The following ZDHHC14 variants were observed in gnomAD, a reference collection of about 807,000 sequenced individuals.
ZDHHC14 encodes zDHHC palmitoyltransferase 14, also known as palmitoyltransferase ZDHHC14.
Under a neutral mutation model 47.7 loss-of-function variants are expected in ZDHHC14, and 16 were observed. The ratio of observed to expected loss-of-function variants is 0.34; its 90% CI spans 0.23 to 0.51. ZDHHC14 has a LOEUF of 0.51. Among genes scored for constraint, ZDHHC14 ranks in the 20% least tolerant of loss-of-function variants. ZDHHC14 has a pLI of 0.97. For missense variants in ZDHHC14, 515 were observed against 662.5 expected (o/e 0.78, Z 2.44); for synonymous variants, 293 against 278.9 (o/e 1.05, Z -0.50).
At chr6:157,621,449 T>A (rs1179362304) in intron 3 of ZDHHC14, among the ~76,000 whole-genome samples, 1 of 152,198 alleles carries the variant, frequency 6.6e-6, no homozygotes, top group Non-Finnish European at 1.5e-5. Context: ...TAAACTTCAA[T>A]TGCACATTTC....
intron 1 of ZDHHC14, among the ~76,000 whole-genome samples, chr6:157,405,557 AT>A (rs1321401488): frequency 1.3e-5 from 2 of 152,136 alleles, no homozygotes; most frequent in Admixed American, 6.5e-5. Context: ...TTTAAAAAAA[AT>A]ATTCTTTCCT....
intron 1 of ZDHHC14, among the ~76,000 whole-genome samples, chr6:157,526,935 A>T (rs1258433899): frequency 2.6e-5 from 4 of 152,098 alleles, no homozygotes; most frequent in African/African-American, 9.7e-5. Flanking sequence ...GGGGCAGTGG[A>T]TGGTGGCCGG....
chr6:157,479,093 A>G (rs1779557248), intron 1 of ZDHHC14, among the ~76,000 whole-genome samples: 1 of 152,192 alleles, frequency 6.6e-6, no homozygotes, highest in Non-Finnish European at 1.5e-5. Flanking sequence ...CCAGCATGGC[A>G]TTGTGATTAG....
intron 2 of ZDHHC14, among the ~76,000 whole-genome samples, chr6:157,565,985 G>A (rs189420527): frequency 1.3e-5 from 2 of 152,228 alleles, no homozygotes; most frequent in Admixed American, 1.3e-4. Context: ...CCAGGAAAAC[G>A]CTCTTTCCTC....
rs1785516479 is a variant in ZDHHC14, at chr6:157,628,271, G to A, written c.566-78G>A. On this transcript the variant is annotated intron_variant, in intron 3 of 8. Coordinates refer to ENST00000359775, the MANE Select transcript of ZDHHC14 (RefSeq NM_024630.3). ...TATACTATCAGAGTATTGGGTGGGA[G>A]GGGCGGGGCTCCTGCAAGTAAAAAG... 5 of 1,455,774 alleles carry A rather than the reference G, an allele frequency of 3.4e-6. No homozygotes were observed. In the African/African-American group the frequency reaches 4.3e-5, roughly 13 times the overall value. 90.2% of individuals were successfully genotyped at this position (1,455,774 alleles called of 1,614,324 possible). A position where few individuals can be genotyped will look rare whatever the true frequency, so the allele number is the denominator to read the frequency against.
chr6:157,454,562 GT>G (rs1778871148), intron 1 of ZDHHC14, among the ~76,000 whole-genome samples: 1 of 146,430 alleles, frequency 6.8e-6, no homozygotes, highest in African/African-American at 2.6e-5. Context: ...CAGTGGTGGT[GT>G]GATCCTAGCT....
At chr6:157,416,240 A>G (rs573622070) in intron 1 of ZDHHC14, among the ~76,000 whole-genome samples, 1 of 152,360 alleles carries the variant, frequency 6.6e-6, no homozygotes, top group African/African-American at 2.4e-5. Context: ...ATCAGTAGCT[A>G]GAAAGATTGT....
In ZDHHC14 at chr6:157,449,378, A is replaced by C. The variant is rs547739183; in HGVS notation, c.245+67112A>C. 2.0e-5 allele frequency among the ~76,000 whole-genome samples: 3 copies of C among 152,370 alleles called. No individual in the cohort carries two copies. The South Asian group carries it at 6.2e-4, about 32-fold the overall frequency. On this transcript the variant is annotated intron_variant, in intron 1 of 8. Transcript: ENST00000359775. ...CTTGCTTTTAAGCCCACTTTTAAAA[A>C]ATCAGATTTATTGAGGCATAATTTA...
At chr6:157,481,488 C>T (rs1322407994) in intron 1 of ZDHHC14, among the ~76,000 whole-genome samples, 2 of 152,160 alleles carry the variant, frequency 1.3e-5, no homozygotes, top group Non-Finnish European at 2.9e-5. Context: ...CCTGCACTCC[C>T]ACCGACCCTC....
Position 157,669,258 on chromosome 6 carries a change from G to A in ZDHHC14, c.1069-3466G>A, listed in dbSNP as rs182610592. The stretch of plus-strand genomic sequence containing the variant: ...CTTTGCAGGCTTAGGTGGCAGAGAG[G>A]TGATCAGGGGAGAGGAAAAGGGCCA... On this transcript the variant is annotated intron_variant, in intron 8 of 8. Coordinates refer to ENST00000359775, the MANE Select transcript of ZDHHC14 (RefSeq NM_024630.3). Among the ~76,000 whole-genome samples, 568 of 152,178 alleles carry A rather than the reference G, an allele frequency of 3.7e-3. 4 individuals carry two copies. The highest frequency in any genetic ancestry group is 0.013 in the African/African-American group (521 of 41,520).
chr6:157,499,910 A>G (rs1162904076), intron 1 of ZDHHC14, among the ~76,000 whole-genome samples: 1 of 119,252 alleles, frequency 8.4e-6, no homozygotes, highest in East Asian at 2.1e-4. Context: ...TCTAGGTGCT[A>G]AATAATTTAG....
intron 1 of ZDHHC14, among the ~76,000 whole-genome samples, chr6:157,476,542 C>T (rs1369207137): frequency 1.3e-5 from 2 of 152,212 alleles, no homozygotes; most frequent in African/African-American, 2.4e-5. Context: ...AGGAATACTT[C>T]CAAACTCATT....
At chr6:157,472,835 G>A (rs1463327872) in intron 1 of ZDHHC14, among the ~76,000 whole-genome samples, 2 of 152,182 alleles carry the variant, frequency 1.3e-5, no homozygotes, top group East Asian at 1.9e-4. Context: ...ATTGAGCGAG[G>A]TGCAGACAAA....
intron 3 of ZDHHC14, among the ~76,000 whole-genome samples, chr6:157,606,069 C>T (rs1427436750): frequency 2.0e-5 from 3 of 152,206 alleles, no homozygotes; most frequent in Non-Finnish European, 2.9e-5. Flanking sequence ...GCATTACTCT[C>T]CTGAAATTAT....
chr6:157,397,301 T>G (rs1228383885), intron 1 of ZDHHC14, among the ~76,000 whole-genome samples: 1 of 152,232 alleles, frequency 6.6e-6, no homozygotes, highest in Admixed American at 6.5e-5. Flanking sequence ...ACGGAGTGAC[T>G]TGAAACAACA....
chr6:157,535,427 CAG>C (rs1781513481), intron 1 of ZDHHC14, among the ~76,000 whole-genome samples: 1 of 152,226 alleles, frequency 6.6e-6, no homozygotes. Flanking sequence ...CAAAGGTAGA[CAG>C]AGAGACGCGT....
intron 1 of ZDHHC14, among the ~76,000 whole-genome samples, chr6:157,507,370 G>A (rs774140110): frequency 5.3e-5 from 8 of 150,150 alleles, no homozygotes; most frequent in South Asian, 2.1e-4. Context: ...TACAACCTCC[G>A]CCTTCCAGGT....
Position 157,526,844 on chromosome 6 carries a change from C to T in ZDHHC14, c.246-15741C>T, listed in dbSNP as rs372545888. 1.3e-4 allele frequency among the ~76,000 whole-genome samples: 20 copies of T among 152,182 alleles called. No homozygotes were observed. In the East Asian group the frequency reaches 1.5e-3, roughly 12 times the overall value. ...GGACAGCCAGATTATTCACCAACCG[C>T]TGGACCAGGGACCTGGGTAGATGTT... On this transcript the variant is annotated intron_variant, in intron 1 of 8. Transcript: ENST00000359775.
intron 5 of ZDHHC14, among the ~76,000 whole-genome samples, chr6:157,633,913 C>T (rs1776839346): frequency 6.6e-6 from 1 of 152,074 alleles, no homozygotes. Flanking sequence ...TGGCCCTCCC[C>T]AAGTGTTGGG....
Sources: gnomAD v4.1 joint callset for allele counts (sites outside exome capture counted in the v4.1 genomes callset) on GRCh38, gnomAD v4.1.1 for gene constraint, MANE v1.5 for transcripts, NCBI Gene and HGNC (gene_info 2026-07-23, HGNC 2026-07-21) for gene names.